The following SORL1 variants were observed in gnomAD, a reference collection of about 807,000 sequenced individuals.
SORL1 encodes sortilin related receptor 1, also known as sortilin-related receptor.
Under a neutral mutation model 273.7 loss-of-function variants are expected in SORL1, and 127 were observed. The observed-to-expected ratio is 0.46, with a 90% confidence interval of 0.40 to 0.54. SORL1 has a LOEUF of 0.54. Among genes scored for constraint, SORL1 ranks in the 20% least tolerant of loss-of-function variants. SORL1 has a pLI of 0.00. For missense variants in SORL1, 2,494 were observed against 2,846.1 expected, an observed-to-expected ratio of 0.88 and a Z score of 2.81; for synonymous variants, 1,031 against 1,067.4, an observed-to-expected ratio of 0.97 and a Z score of 0.66.
intron 1 of SORL1, among the ~76,000 whole-genome samples, chr11:121,465,655 G>C (rs984395950): frequency 5.9e-5 from 9 of 152,226 alleles, no homozygotes; most frequent in African/African-American, 1.2e-4. Flanking sequence ...AGCTTCCCGA[G>C]TAGCTGGGAC....
intron 12 of SORL1, among the ~76,000 whole-genome samples, chr11:121,542,871 A>T (rs896012654): frequency 4.7e-5 from 7 of 150,382 alleles, no homozygotes; most frequent in Admixed American, 6.6e-5. Context: ...ATTAAGTGCC[A>T]TTCTAATATA....
intron 23 of SORL1, 24 bp downstream of exon 23, chr11:121,570,294 A>G (rs1185529346): frequency 1.0e-5 from 16 of 1,560,642 alleles, no homozygotes; most frequent in Non-Finnish European, 1.4e-5. Flanking sequence ...ATTGGACGTT[A>G]AGCACTTACC....
At chr11:121,582,696 T>C (rs903400131) in intron 25 of SORL1, among the ~76,000 whole-genome samples, 1 of 152,224 alleles carries the variant, frequency 6.6e-6, no homozygotes, top group African/African-American at 2.4e-5. Context: ...CTTTTTTGCT[T>C]CTAGTGATTA....
chr11:121,587,832 G>A (rs1348918911), intron 27 of SORL1, among the ~76,000 whole-genome samples, 188 bp from the exon 28 acceptor site: 4 of 152,140 alleles, frequency 2.6e-5, no homozygotes, highest in Admixed American at 2.6e-4. Context: ...TTGTCTTGAG[G>A]GTTTAATGAT....
In SORL1 at chr11:121,595,663, A is replaced by G; in HGVS notation, c.4410A>G (p.Arg1470=). ...TAASTPTQLG[R]CDRFEFECHQ... Reference sequence around the variant, plus strand: ...CCTCCACTCCCACCCAACTTGGGCGATGTGACCGATTTGAGTTCGAATGCC... The same window carrying G: ...CCTCCACTCCCACCCAACTTGGGCGGTGTGACCGATTTGAGTTCGAATGCC... Residue 1470 remains arginine (R), a synonymous_variant, in exon 32 of 48, where the codon CGA becomes CGG. Transcript: ENST00000260197. The surrounding 1 kb of genome is among the most constrained non-coding windows in gnomAD (Gnocchi z 5.1). The G allele has an allele frequency of 2.5e-6, 4 of 1,612,754 alleles. No individual in the cohort carries two copies. The highest frequency in any genetic ancestry group is 3.4e-6 in the Non-Finnish European group (4 of 1,179,394).
chr11:121,543,813 T>C, intron 13 of SORL1, 87 bp downstream of exon 13: 2 of 1,265,710 alleles, frequency 1.6e-6, no homozygotes, highest in Non-Finnish European at 2.2e-6. Context: ...TACTGTGTAC[T>C]CAGAAGAGCC....
At chr11:121,585,749 G>A (rs981080841) in intron 26 of SORL1, among the ~76,000 whole-genome samples, 18 of 151,824 alleles carry the variant, frequency 1.2e-4, no homozygotes, top group South Asian at 4.2e-4. Context: ...TTAACTTTGC[G>A]TATTGTTTTG....
Position 121,570,152 on chromosome 11 carries a change from G to A in SORL1, c.3224-5G>A. On this transcript the variant is annotated splice_polypyrimidine_tract_variant and splice_region_variant and intron_variant, in intron 22 of 47. Transcript: ENST00000260197. ...TTTCCTCCCCTGCCGCACTCTGATG[G>A]GTAGAGAACACCTGTCTTCGCAACC... The A allele has an allele frequency of 6.2e-7, 1 of 1,604,648 alleles. No individual in the cohort carries two copies. The highest frequency in any genetic ancestry group is 8.5e-7 in the Non-Finnish European group (1 of 1,171,728).
At chr11:121,505,332 CT>C (rs1213254083) in intron 6 of SORL1, among the ~76,000 whole-genome samples, 1 of 151,662 alleles carries the variant, frequency 6.6e-6, no homozygotes, top group African/African-American at 2.4e-5. Flanking sequence ...TGAGTCTTCT[CT>C]TTTTTTCTTG....
At chr11:121,480,389 A>G (rs78628283) in intron 3 of SORL1, among the ~76,000 whole-genome samples, 123 of 152,220 alleles carry the variant, frequency 8.1e-4, no homozygotes, top group Middle Eastern at 3.4e-3. Flanking sequence ...CAGCAAACTA[A>G]TAACACCTGG....
At chr11:121,478,094 C>A in intron 2 of SORL1, 24 bp from the exon 3 acceptor site, 1 of 1,518,542 alleles carries the variant, frequency 6.6e-7, no homozygotes. Flanking sequence ...CTTTCTTTTT[C>A]ATCTCCTTTT....
intron 16 of SORL1, 41 bp from the exon 17 acceptor site, chr11:121,553,896 C>G (rs747109561): frequency 6.3e-7 from 1 of 1,585,696 alleles, no homozygotes; most frequent in East Asian, 2.2e-5. Context: ...TCTTCAGCAT[C>G]CCCTGGGTCC....
chr11:121,567,371 G>C (rs144491424), intron 22 of SORL1, among the ~76,000 whole-genome samples: 8 of 152,292 alleles, frequency 5.3e-5, no homozygotes, highest in African/African-American at 1.9e-4. Context: ...GTGGTTTTTG[G>C]TTTCATGTCA....
intron 41 of SORL1, 145 bp downstream of exon 41, chr11:121,615,200 GT>G: frequency 1.6e-6 from 1 of 619,324 alleles, no homozygotes; most frequent in East Asian, 3.1e-5. Flanking sequence ...TTTTTCCTTT[GT>G]TTTCATACGT....
chr11:121,485,773 T>C (rs1861464353), intron 3 of SORL1, among the ~76,000 whole-genome samples: 1 of 152,228 alleles, frequency 6.6e-6, no homozygotes, highest in African/African-American at 2.4e-5. Context: ...TGCCAGAAAT[T>C]ATGATGATCC....
intron 9 of SORL1, among the ~76,000 whole-genome samples, chr11:121,521,180 C>G (rs1455374687): frequency 1.3e-5 from 2 of 152,086 alleles, no homozygotes; most frequent in South Asian, 4.1e-4. Flanking sequence ...TGGACACTCC[C>G]CTATATAATG....
intron 14 of SORL1, among the ~76,000 whole-genome samples, chr11:121,547,955 G>T (rs1862458143): frequency 6.6e-6 from 1 of 152,116 alleles, no homozygotes; most frequent in South Asian, 2.1e-4. Flanking sequence ...AGACCACACT[G>T]GGAAGCCCAG....
intron 25 of SORL1, among the ~76,000 whole-genome samples, chr11:121,582,937 G>T (rs1472388091): frequency 6.6e-6 from 1 of 152,102 alleles, no homozygotes; most frequent in Non-Finnish European, 1.5e-5. Context: ...GTGAATTTGA[G>T]ATCACCACAC....
rs776991760 is a variant in SORL1 at position 121,590,023 on chromosome 11, G to A, written c.4079-17G>A. Reference sequence around the variant, plus strand: ...TGATGCAGGGAAAGCAACTGATGATGTGGTTGATCTCTGCAGAAAACCCCA... The same window carrying A: ...TGATGCAGGGAAAGCAACTGATGATATGGTTGATCTCTGCAGAAAACCCCA... On this transcript the variant is annotated splice_polypyrimidine_tract_variant and intron_variant, in intron 29 of 47. Transcript: ENST00000260197. 3.1e-6 allele frequency: 5 copies of A among 1,613,198 alleles called. No individual in the cohort carries two copies. Among genetic ancestry groups the A allele is most frequent in the Non-Finnish European group, 4.2e-6 (5 of 1,179,456 alleles).
Sources: allele counts gnomAD v4.1 joint callset (sites outside exome capture counted in the v4.1 genomes callset), GRCh38; gene constraint gnomAD v4.1.1; non-coding constraint Gnocchi (gnomAD v3.1); transcripts MANE v1.5; gene names NCBI Gene and HGNC (gene_info 2026-07-23, HGNC 2026-07-21).